The following MARCHF1 variants were observed in gnomAD, a reference collection of about 807,000 sequenced individuals.
MARCHF1 encodes the protein E3 ubiquitin-protein ligase MARCHF1.
MARCHF1 carries 40 observed loss-of-function variants against 54.2 expected under a neutral mutation model. The ratio of observed to expected loss-of-function variants is 0.74; its 90% CI spans 0.57 to 0.96. The LOEUF is 0.96. MARCHF1 is among the 40% of genes least tolerant of loss of function. The probability of loss-of-function intolerance (pLI) is 0.00; values close to 1 mark genes in which losing one functional copy is unlikely to be tolerated. For missense variants in MARCHF1, 586 were observed against 656.5 expected (o/e 0.89, Z 1.17); for synonymous variants, 236 against 236.3 (o/e 1.00, Z 0.01).
intron 3 of MARCHF1, among the ~76,000 whole-genome samples, chr4:163,949,686 A>G (rs565312651): frequency 1.3e-5 from 2 of 151,662 alleles, no homozygotes; most frequent in East Asian, 3.9e-4. Flanking sequence ...TGTCCTGATG[A>G]GTGCTCAGCT....
intron 1 of MARCHF1, among the ~76,000 whole-genome samples, chr4:164,285,323 G>T (rs10010694): frequency 0.074 from 11,226 of 152,034 alleles, 479 homozygotes; most frequent in Middle Eastern, 0.13. Context: ...TGAGCCCAAG[G>T]GTTCAAGGCT....
intron 2 of MARCHF1, among the ~76,000 whole-genome samples, chr4:164,058,599 C>CGACTTGGAGGTGTGGATCACACAT (rs1484656454): frequency 1.3e-5 from 2 of 152,116 alleles, no homozygotes; most frequent in African/African-American, 4.8e-5. Context: ...CAAATGCCAA[C>CGACTTGGAGGTGTGGATCACACAT]GACTTGGAGG....
At chr4:163,615,878 C>A (rs1741492752) in intron 5 of MARCHF1, among the ~76,000 whole-genome samples, 1 of 152,042 alleles carries the variant, frequency 6.6e-6, no homozygotes, top group South Asian at 2.1e-4. Flanking sequence ...TAAAAACAGA[C>A]ACATAGACCC....
chr4:163,651,250 C>G lies in MARCHF1; in HGVS notation c.163-37857G>C, dbSNP rs534346947. Reference sequence around the variant, plus strand: ...TGTTGTTTGCTAGTCTGTGTACTTACAAAATTTGCTGTCACTATATTCTAT... The same window carrying G: ...TGTTGTTTGCTAGTCTGTGTACTTAGAAAATTTGCTGTCACTATATTCTAT... On this transcript the variant is annotated intron_variant, in intron 5 of 9. Transcript: ENST00000514618. 1.1e-4 allele frequency among the ~76,000 whole-genome samples: 16 copies of G among 152,046 alleles called. 1 individual carries two copies. Among genetic ancestry groups the G allele is most frequent in the African/African-American group, 3.6e-4 (15 of 41,534 alleles).
chr4:163,907,094 A>C (rs905467720), intron 3 of MARCHF1, among the ~76,000 whole-genome samples: 4 of 152,060 alleles, frequency 2.6e-5, no homozygotes, highest in Non-Finnish European at 5.9e-5. Flanking sequence ...ATTATACAGA[A>C]GTCCTTTTTC....
chr4:164,379,984 A>G (rs569839797), intron 1 of MARCHF1, among the ~76,000 whole-genome samples: 10 of 152,118 alleles, frequency 6.6e-5, no homozygotes, highest in Admixed American at 5.9e-4. Context: ...TGTTGAAAAA[A>G]AAAAAACTGC....
At chr4:164,222,614 G>A (rs952512067) in intron 1 of MARCHF1, among the ~76,000 whole-genome samples, 1 of 151,772 alleles carries the variant, frequency 6.6e-6, no homozygotes. Flanking sequence ...AAGGCAGAGA[G>A]AAAAAGAGAA....
chr4:163,949,935 C>A (rs375940065), intron 3 of MARCHF1, among the ~76,000 whole-genome samples: 9 of 152,222 alleles, frequency 5.9e-5, no homozygotes, highest in African/African-American at 2.2e-4. Context: ...TGGGTACCCC[C>A]TCTCCATAGG....
At chr4:163,575,645 C>G (rs541292037) in intron 8 of MARCHF1, among the ~76,000 whole-genome samples, 46 of 151,638 alleles carry the variant, frequency 3.0e-4, no homozygotes, top group African/African-American at 1.0e-3. Context: ...CTTTGTATAG[C>G]TGGTATAATT....
chr4:163,942,336 C>A (rs1751929249), intron 3 of MARCHF1, among the ~76,000 whole-genome samples: 1 of 152,140 alleles, frequency 6.6e-6, no homozygotes, highest in South Asian at 2.1e-4. Flanking sequence ...AGAAGCATAC[C>A]CTTCTGGGTA....
At chr4:164,327,970 G>T (rs903548540) in intron 1 of MARCHF1, among the ~76,000 whole-genome samples, 1 of 152,122 alleles carries the variant, frequency 6.6e-6, no homozygotes, top group Non-Finnish European at 1.5e-5. Flanking sequence ...GCTAGGCTTC[G>T]CACCTGAGTC....
chr4:164,318,145 G>T (rs1478819535), intron 1 of MARCHF1, among the ~76,000 whole-genome samples: 1 of 152,082 alleles, frequency 6.6e-6, no homozygotes, highest in African/African-American at 2.4e-5. Context: ...TTGGTGTAAG[G>T]ATTACATGAA....
Position 164,264,631 on chromosome 4 carries a change from C to T in MARCHF1, c.-323+119239G>A, listed in dbSNP as rs529943377. 3.8e-3 allele frequency among the ~76,000 whole-genome samples: 571 copies of T among 152,024 alleles called. 1 individual carries two copies. The highest frequency in any genetic ancestry group is 0.013 in the African/African-American group (525 of 41,482). On this transcript the variant is annotated intron_variant, in intron 1 of 9. Coordinates refer to ENST00000514618, the MANE Select transcript of MARCHF1 (RefSeq NM_001394959.1). ...AAAGTCCACATTGAGATATGAGACC[C>T]ACCACTGGCTGGACGCAGTGGCTCA...
intron 1 of MARCHF1, among the ~76,000 whole-genome samples, chr4:164,370,028 A>G (rs747909972): frequency 1.3e-5 from 2 of 152,230 alleles, no homozygotes; most frequent in Non-Finnish European, 2.9e-5. Context: ...CAAGATCTTC[A>G]CAGAAGACGT....
chr4:164,296,521 C>A (rs954492099), intron 1 of MARCHF1, among the ~76,000 whole-genome samples: 1 of 152,100 alleles, frequency 6.6e-6, no homozygotes, highest in Non-Finnish European at 1.5e-5. Context: ...AGGCAGATCC[C>A]ACCATGCCCA....
In MARCHF1 at chr4:164,052,145, TTG is replaced by T. The variant is rs1491061474; in HGVS notation, c.-248+59441_-248+59442del. On this transcript the variant is annotated intron_variant, in intron 2 of 9. Transcript: ENST00000514618. The stretch of plus-strand genomic sequence containing the variant: ...ACACATCTTTTGGAAGTTTTTTTTT[TTG>T]TTTTTTTTGTATTTTTTAAAAAAAT... 3.3e-3 allele frequency among the ~76,000 whole-genome samples: 236 copies of T among 72,030 alleles called. 3 individuals carry two copies. Among genetic ancestry groups the T allele is most frequent in the African/African-American group, 9.0e-3 (209 of 23,140 alleles). 47.3% of individuals were successfully genotyped at this position (72,030 alleles called of 152,430 possible).
At chr4:163,672,764 G>T (rs1743779867) in intron 5 of MARCHF1, among the ~76,000 whole-genome samples, 3 of 152,004 alleles carry the variant, frequency 2.0e-5, no homozygotes, top group Admixed American at 2.0e-4. Flanking sequence ...CAAAGGGGTG[G>T]GCAGGGTTGT....
chr4:163,886,456 A>C (rs1750541322), intron 3 of MARCHF1, among the ~76,000 whole-genome samples: 1 of 152,012 alleles, frequency 6.6e-6, no homozygotes. Flanking sequence ...CAACCAAAAA[A>C]TTGTGTAACT....
At chr4:164,242,039 C>T (rs1057061407) in intron 1 of MARCHF1, among the ~76,000 whole-genome samples, 28 of 152,290 alleles carry the variant, frequency 1.8e-4, no homozygotes, top group Admixed American at 1.1e-3. Flanking sequence ...AAGGCGGCAG[C>T]GAGGCAGGGG....
Sources: allele counts gnomAD v4.1 joint callset (sites outside exome capture counted in the v4.1 genomes callset), GRCh38; gene constraint gnomAD v4.1.1; transcripts MANE v1.5; gene names NCBI Gene and HGNC (gene_info 2026-07-23, HGNC 2026-07-21).